Variants in WWC1 observed in about 807,000 individuals in gnomAD.
WWC1 encodes the protein protein KIBRA.
Under a neutral mutation model 138.4 loss-of-function variants are expected in WWC1, and 55 were observed. The ratio of observed to expected loss-of-function variants is 0.40; its 90% CI spans 0.32 to 0.50. WWC1 has a LOEUF of 0.50. WWC1 is among the 20% of genes least tolerant of loss of function. The probability of loss-of-function intolerance (pLI) is 0.72; values close to 1 mark genes in which losing one functional copy is unlikely to be tolerated. For synonymous variants in WWC1, 524 were observed against 564.9 expected, an observed-to-expected ratio of 0.93 and a Z score of 1.03; for missense variants, 1,226 against 1,420.4, an observed-to-expected ratio of 0.86 and a Z score of 2.20.
chr5:168,312,434 A>G (rs535833243), intron 1 of WWC1, among the ~76,000 whole-genome samples: 13 of 152,360 alleles, frequency 8.5e-5, no homozygotes, highest in African/African-American at 3.1e-4. Flanking sequence ...ATTCAAGCTC[A>G]AGTTGTCTGG....
chr5:168,387,292 C>G (rs1412563243), intron 3 of WWC1, among the ~76,000 whole-genome samples: 1 of 152,094 alleles, frequency 6.6e-6, no homozygotes, highest in Non-Finnish European at 1.5e-5. Flanking sequence ...AGTGTGAAGC[C>G]CTTACTTTGA....
At chr5:168,444,344 A>G (rs962601852) in intron 16 of WWC1, 150 bp from the exon 17 acceptor site, 7 of 672,892 alleles carry the variant, frequency 1.0e-5, no homozygotes, top group Middle Eastern at 2.5e-4. Context: ...CCAGTTTATC[A>G]GTGACCTTGG....
intron 1 of WWC1, among the ~76,000 whole-genome samples, chr5:168,361,181 G>A (rs1561657710): frequency 6.6e-6 from 1 of 152,202 alleles, no homozygotes; most frequent in Non-Finnish European, 1.5e-5. Context: ...GGAATGGACT[G>A]AGATTACACA....
intron 10 of WWC1, among the ~76,000 whole-genome samples, chr5:168,422,669 CAG>C (rs1781188217): frequency 6.6e-6 from 1 of 152,078 alleles, no homozygotes; most frequent in African/African-American, 2.4e-5. Context: ...CTGCACAACA[CAG>C]AGAATGTAGC....
intron 19 of WWC1, among the ~76,000 whole-genome samples, 164 bp downstream of exon 19, chr5:168,455,684 G>T (rs982989425): frequency 1.3e-5 from 2 of 152,204 alleles, no homozygotes; most frequent in Non-Finnish European, 2.9e-5. Context: ...CTACTTCATA[G>T]GATTGTTTTA....
At chr5:168,427,548 A>AT (rs34177139) in intron 11 of WWC1, among the ~76,000 whole-genome samples, 1,897 of 101,094 alleles carry the variant, frequency 0.019, 25 homozygotes, top group African/African-American at 0.052. Context: ...CTTTTTTTTA[A>AT]TTTTTTTTTT....
At chr5:168,395,311 GC>G (rs945047360) in intron 3 of WWC1, among the ~76,000 whole-genome samples, 2 of 152,120 alleles carry the variant, frequency 1.3e-5, no homozygotes, top group African/African-American at 2.4e-5. Context: ...CCCCCGCTCC[GC>G]CCCACACCCC....
At chr5:168,428,836 C>G in intron 13 of WWC1, 49 bp downstream of exon 13, 1 of 1,594,450 alleles carries the variant, frequency 6.3e-7, no homozygotes, top group Non-Finnish European at 8.6e-7. Flanking sequence ...GTGTGGGGTC[C>G]CTTCTTCATC....
chr5:168,315,768 G>C (rs1044210262), intron 1 of WWC1, among the ~76,000 whole-genome samples: 1 of 152,078 alleles, frequency 6.6e-6, no homozygotes, highest in Non-Finnish European at 1.5e-5. Context: ...GTCGCTTCCC[G>C]TTAAGAAGCT....
intron 2 of WWC1, among the ~76,000 whole-genome samples, chr5:168,383,407 G>A (rs1777798669): frequency 6.6e-6 from 1 of 152,146 alleles, no homozygotes; most frequent in Non-Finnish European, 1.5e-5. Context: ...TTGTAACACA[G>A]CGATTATTGG....
At chr5:168,324,729 C>T (rs1652140802) in intron 1 of WWC1, among the ~76,000 whole-genome samples, 1 of 151,774 alleles carries the variant, frequency 6.6e-6, no homozygotes, top group South Asian at 2.1e-4. Flanking sequence ...GGACTAAACA[C>T]TTTAATTAAA....
Position 168,469,267 on chromosome 5 carries a change from T to A in WWC1, c.*250T>A. 1 of 513,036 alleles carries A rather than the reference T, an allele frequency of 1.9e-6. No homozygotes were observed. The highest frequency in any genetic ancestry group is 3.5e-6 in the Non-Finnish European group (1 of 286,258). 31.8% of individuals were successfully genotyped at this position (513,036 alleles called of 1,614,324 possible). On this transcript the variant is annotated 3_prime_UTR_variant, in exon 23 of 23. Transcript: ENST00000265293. ...GCATTAAAATAATAAGATTGTATAG[T>A]TTGTATATTTAGGAGTGTATTTTTG...
chr5:168,456,245 A>G (rs1330690222), intron 19 of WWC1, among the ~76,000 whole-genome samples: 1 of 152,198 alleles, frequency 6.6e-6, no homozygotes, highest in East Asian at 1.9e-4. Context: ...CCAACGCTGC[A>G]GTGAGCCATG....
At chr5:168,404,939 G>C (rs1291806511) in intron 5 of WWC1, among the ~76,000 whole-genome samples, 1 of 151,070 alleles carries the variant, frequency 6.6e-6, no homozygotes, top group African/African-American at 2.4e-5. Flanking sequence ...CCTGTATGTA[G>C]GGCCTGGATA....
chr5:168,419,182 G>A (rs1780888564), intron 9 of WWC1, among the ~76,000 whole-genome samples: 1 of 152,184 alleles, frequency 6.6e-6, no homozygotes, highest in Non-Finnish European at 1.5e-5. Context: ...CTTTCTCCCA[G>A]GCCCCAGGCT....
chr5:168,374,239 G>C (rs910936800), intron 2 of WWC1, among the ~76,000 whole-genome samples: 1 of 152,086 alleles, frequency 6.6e-6, no homozygotes, highest in Non-Finnish European at 1.5e-5. Flanking sequence ...TGGCAGGAGA[G>C]ACAAAAAATA....
intron 9 of WWC1, among the ~76,000 whole-genome samples, chr5:168,416,827 C>G (rs1780694439): frequency 6.6e-6 from 1 of 152,196 alleles, no homozygotes; most frequent in Non-Finnish European, 1.5e-5. Flanking sequence ...TTAAGCAAAA[C>G]TACATACAAT....
intron 1 of WWC1, among the ~76,000 whole-genome samples, chr5:168,336,376 C>A (rs894355202): frequency 6.6e-6 from 1 of 151,874 alleles, no homozygotes; most frequent in African/African-American, 2.4e-5. Context: ...TTCAAGACCA[C>A]CCTGGTCAAT....
Position 168,371,419 on chromosome 5 carries a change from G to C in WWC1, c.120-5G>C, listed in dbSNP as rs776106931. On this transcript the variant is annotated splice_polypyrimidine_tract_variant and splice_region_variant and intron_variant, in intron 1 of 22. Transcript: ENST00000265293. The stretch of plus-strand genomic sequence containing the variant: ...ATGGAGTCTGTTTCTCCTCTCCCTT[G>C]CCAGGTACACCAAACCGCTCACCTT... 2 of 1,612,558 alleles carry C rather than the reference G, an allele frequency of 1.2e-6. No homozygotes were observed. The highest frequency in any genetic ancestry group is 1.7e-6 in the Non-Finnish European group (2 of 1,178,722).
Sources: gnomAD v4.1 joint callset for allele counts (sites outside exome capture counted in the v4.1 genomes callset) on GRCh38, gnomAD v4.1.1 for gene constraint, MANE v1.5 for transcripts, NCBI Gene and HGNC (gene_info 2026-07-23, HGNC 2026-07-21) for gene names.